The following SUMF1 variants were observed in gnomAD, a reference collection of about 807,000 sequenced individuals.
The protein encoded by SUMF1 is formylglycine-generating enzyme.
In SUMF1, 48 loss-of-function variants were observed where a neutral mutation model predicts 47.6. The ratio of observed to expected loss-of-function variants is 1.01; its 90% CI spans 0.80 to 1.28. SUMF1 has a LOEUF of 1.28. Among genes scored for constraint, SUMF1 ranks in the 50% most tolerant of loss-of-function variants. The pLI, the probability that SUMF1 is intolerant of heterozygous loss-of-function variation, is 0.00. For synonymous variants in SUMF1, 230 were observed against 192.1 expected, an observed-to-expected ratio of 1.20 and a Z score of -1.63; for missense variants, 571 against 485.4, an observed-to-expected ratio of 1.18 and a Z score of -1.66.
At chr3:4,424,191 A>T (rs1701995072) in intron 3 of SUMF1, among the ~76,000 whole-genome samples, 1 of 152,136 alleles carries the variant, frequency 6.6e-6, no homozygotes, top group Non-Finnish European at 1.5e-5. Context: ...ATCACCCTAC[A>T]CATATTAGTA....
At chr3:4,188,792 CTCAT>C (rs1325562953) in intron 8 of SUMF1, among the ~76,000 whole-genome samples, 6 of 152,140 alleles carry the variant, frequency 3.9e-5, no homozygotes. Context: ...ATTAAGTGAG[CTCAT>C]CCATGTAAAA....
chr3:4,319,475 C>G (rs995818927), intron 8 of SUMF1, among the ~76,000 whole-genome samples: 2 of 152,148 alleles, frequency 1.3e-5, no homozygotes, highest in African/African-American at 4.8e-5. Context: ...ATGAGGGGGT[C>G]TGGCATCTTA....
At chr3:4,340,415 T>C (rs902766417) in intron 8 of SUMF1, among the ~76,000 whole-genome samples, 1 of 152,112 alleles carries the variant, frequency 6.6e-6, no homozygotes, top group Non-Finnish European at 1.5e-5. Flanking sequence ...CTACAGACTG[T>C]GTAATAGTTT....
Position 4,254,327 on chromosome 3 carries a change from G to A in SUMF1, c.1014+122003C>T, listed in dbSNP as rs527629518. On this transcript the variant is annotated intron_variant and NMD_transcript_variant, in intron 8 of 12. Coordinates refer to the SUMF1 transcript ENST00000448413. ...ATCAAATTACTCTGAGCTATGGGAG[G>A]ACATTCAAACCAAAGGCAAAGAAGT... Among the ~76,000 whole-genome samples the A allele has an allele frequency of 8.8e-3, 1,338 of 151,384 alleles. 17 individuals are homozygous for A. Among genetic ancestry groups the A allele is most frequent in the African/African-American group, 0.031 (1,274 of 41,248 alleles).
chr3:4,457,305 G>C (rs1351486264), intron 1 of SUMF1, among the ~76,000 whole-genome samples: 6 of 151,588 alleles, frequency 4.0e-5, no homozygotes, highest in Non-Finnish European at 8.8e-5. Context: ...TCCCAGGCCA[G>C]GATTCAATGT....
At chr3:4,332,501 G>T (rs1014635563) in intron 8 of SUMF1, among the ~76,000 whole-genome samples, 15 of 152,290 alleles carry the variant, frequency 9.8e-5, no homozygotes, top group African/African-American at 3.6e-4. Flanking sequence ...AAGAGACCAG[G>T]AAAACCACCT....
At position 4,211,787 on chromosome 3, in the gene SUMF1, T is replaced by A. The variant is rs562415988; in HGVS notation, c.1015-143042A>T. ...TCAAGTCTTAGCAAGGAGTAGGTGG[T>A]TTTATGCTCATAGTGTAAACAAAGC... On this transcript the variant is annotated intron_variant and NMD_transcript_variant, in intron 8 of 12. Transcript: ENST00000448413. Among the ~76,000 whole-genome samples, 14 of 152,156 alleles carry A rather than the reference T, an allele frequency of 9.2e-5. No individual in the cohort carries two copies. The South Asian group carries it at 2.9e-3, about 32-fold the overall frequency.
intron 8 of SUMF1, among the ~76,000 whole-genome samples, chr3:4,234,222 G>A (rs1297398072): frequency 6.6e-6 from 1 of 151,804 alleles, no homozygotes; most frequent in African/African-American, 2.4e-5. Context: ...TTTAAAGTCA[G>A]AGGTTGAATA....
chr3:4,360,421 A>G (rs6796124), downstream of SUMF1, among the ~76,000 whole-genome samples: 10,834 of 151,604 alleles, frequency 0.071, 1,147 homozygotes, highest in African/African-American at 0.24. Flanking sequence ...TCCGCCTTCC[A>G]GGTTCAAGCA....
At chr3:4,389,671 G>A (rs888259772) in intron 7 of SUMF1, among the ~76,000 whole-genome samples, 6 of 152,090 alleles carry the variant, frequency 3.9e-5, no homozygotes, top group Non-Finnish European at 7.3e-5. Context: ...TCTTTCCACT[G>A]CTCAGACTGG....
chr3:4,335,308 C>T (rs1699124128), intron 8 of SUMF1, among the ~76,000 whole-genome samples: 1 of 152,144 alleles, frequency 6.6e-6, no homozygotes, highest in African/African-American at 2.4e-5. Flanking sequence ...CCCTACCTAC[C>T]TCTTCACCTC....
At chr3:4,384,924 C>T (rs946121358) in intron 7 of SUMF1, among the ~76,000 whole-genome samples, 2 of 150,722 alleles carry the variant, frequency 1.3e-5, no homozygotes, top group South Asian at 2.1e-4. Context: ...CTCGCTCTGT[C>T]GCCCAGGCTG....
chr3:4,388,166 G>C (rs913118726), intron 7 of SUMF1, among the ~76,000 whole-genome samples: 5 of 151,936 alleles, frequency 3.3e-5, no homozygotes, highest in South Asian at 2.1e-4. Flanking sequence ...GAAAGGAGTG[G>C]TAAGGTCCCC....
intron 9 of SUMF1, among the ~76,000 whole-genome samples, chr3:4,063,711 T>C (rs774064283): frequency 8.5e-5 from 13 of 152,168 alleles, no homozygotes; most frequent in Non-Finnish European, 1.6e-4. Flanking sequence ...CCTGGTGGTC[T>C]TTTGGAAGAC....
intron 4 of SUMF1, among the ~76,000 whole-genome samples, 180 bp from the exon 5 acceptor site, chr3:4,418,312 AC>A (rs1253219671): frequency 7.9e-5 from 12 of 152,200 alleles, no homozygotes; most frequent in African/African-American, 2.9e-4. Context: ...GTTTCTGACA[AC>A]CCAGGCTCCC....
chr3:4,343,397 G>A (rs974090640), intron 8 of SUMF1, among the ~76,000 whole-genome samples: 4 of 152,182 alleles, frequency 2.6e-5, no homozygotes, highest in Non-Finnish European at 4.4e-5. Context: ...GGCAGAGAGG[G>A]GAGTGCAAAC....
chr3:4,178,538 T>A (rs1040698434), intron 8 of SUMF1, among the ~76,000 whole-genome samples: 3 of 152,138 alleles, frequency 2.0e-5, no homozygotes, highest in African/African-American at 7.2e-5. Context: ...ATGGAATGTA[T>A]CTCAAAACAA....
intron 8 of SUMF1, among the ~76,000 whole-genome samples, chr3:4,180,087 C>A (rs1401319082): frequency 6.6e-6 from 1 of 152,154 alleles, no homozygotes; most frequent in South Asian, 2.1e-4. Flanking sequence ...CGCTTTTACA[C>A]TGTTGGTGGG....
intron 3 of SUMF1, among the ~76,000 whole-genome samples, chr3:4,430,583 C>G (rs748150365): frequency 6.6e-6 from 1 of 152,024 alleles, no homozygotes. Flanking sequence ...AGAATAGGTT[C>G]ATGATGCTAT....
Sources: gnomAD v4.1 joint callset for allele counts (sites outside exome capture counted in the v4.1 genomes callset) on GRCh38, gnomAD v4.1.1 for gene constraint, MANE v1.5 for transcripts, NCBI Gene and HGNC (gene_info 2026-07-23, HGNC 2026-07-21) for gene names.